The following CNTNAP2 variants were observed in gnomAD, a reference collection of about 807,000 sequenced individuals.
The protein encoded by CNTNAP2 is contactin associated protein 2, also known as contactin-associated protein-like 2.
A neutral mutation model predicts 155.2 loss-of-function variants in CNTNAP2; 98 were observed. The observed-to-expected ratio is 0.63, with a 90% CI of 0.54 to 0.75. The LOEUF (loss-of-function observed/expected upper bound fraction) is 0.75, where lower values mean the gene tolerates loss of function less well. CNTNAP2 is among the 30% of genes least tolerant of loss of function. The pLI, the probability that CNTNAP2 is intolerant of heterozygous loss-of-function variation, is 0.00. For missense variants in CNTNAP2, 1,727 were observed against 1,688.1 expected, an observed-to-expected ratio of 1.02 and a Z score of -0.40; for synonymous variants, 651 against 631.2, an observed-to-expected ratio of 1.03 and a Z score of -0.47.
At chr7:146,281,028 C>T (rs894883774) in intron 1 of CNTNAP2, among the ~76,000 whole-genome samples, 1 of 152,130 alleles carries the variant, frequency 6.6e-6, no homozygotes, top group Non-Finnish European at 1.5e-5. Context: ...ATCTTGCTCC[C>T]TCTGTGAGGA....
At chr7:148,112,762 G>A (rs1346027739) in intron 15 of CNTNAP2, among the ~76,000 whole-genome samples, 1 of 152,020 alleles carries the variant, frequency 6.6e-6, no homozygotes, top group Non-Finnish European at 1.5e-5. Flanking sequence ...AGGGGCTGGG[G>A]AAGCAGGCTT....
chr7:146,476,106 C>T (rs900199464), intron 1 of CNTNAP2, among the ~76,000 whole-genome samples: 4 of 152,280 alleles, frequency 2.6e-5, no homozygotes, highest in South Asian at 2.1e-4. Context: ...ATCTACTCCT[C>T]AGGATAAACC....
At chr7:146,454,934 G>A (rs1796533935) in intron 1 of CNTNAP2, among the ~76,000 whole-genome samples, 1 of 152,134 alleles carries the variant, frequency 6.6e-6, no homozygotes, top group Non-Finnish European at 1.5e-5. Flanking sequence ...AAACCAGCCT[G>A]TATATAACAA....
intron 12 of CNTNAP2, among the ~76,000 whole-genome samples, chr7:147,580,194 C>A (rs1372311529): frequency 1.3e-5 from 2 of 152,140 alleles, no homozygotes; most frequent in African/African-American, 4.8e-5. Flanking sequence ...ATTTAATGAA[C>A]AATTACTATG....
chr7:147,212,805 A>G (rs1345027734), intron 8 of CNTNAP2, among the ~76,000 whole-genome samples: 1 of 152,212 alleles, frequency 6.6e-6, no homozygotes, highest in African/African-American at 2.4e-5. Context: ...ATTTAAATGG[A>G]TTGTGTGTAG....
At chr7:147,890,671 A>T (rs1278926820) in intron 13 of CNTNAP2, among the ~76,000 whole-genome samples, 1 of 152,184 alleles carries the variant, frequency 6.6e-6, no homozygotes, top group Non-Finnish European at 1.5e-5. Context: ...AGAACATAGA[A>T]TACATTATGT....
chr7:146,596,560 C>A (rs1203111688), intron 1 of CNTNAP2, among the ~76,000 whole-genome samples: 2 of 149,956 alleles, frequency 1.3e-5, no homozygotes, highest in African/African-American at 2.5e-5. Flanking sequence ...CATTCACCCC[C>A]CCAGCCTCCA....
rs532629113 is a variant in CNTNAP2 at position 147,810,322 on chromosome 7, G to A, written c.2099-93243G>A. 2.0e-5 allele frequency among the ~76,000 whole-genome samples: 3 copies of A among 151,872 alleles called. No homozygotes were observed. In the East Asian group the frequency reaches 5.8e-4, roughly 29 times the overall value. ...CTCAGAGCTCTGGATAGGCAAAGTAGACTTGGATTTACATTCTCTGTGATC... is the reference window on the plus strand; with the variant it reads ...CTCAGAGCTCTGGATAGGCAAAGTAAACTTGGATTTACATTCTCTGTGATC... On this transcript the variant is annotated intron_variant, in intron 13 of 23. Transcript: ENST00000361727.
intron 1 of CNTNAP2, among the ~76,000 whole-genome samples, chr7:146,750,046 T>C (rs943357676): frequency 6.6e-6 from 1 of 152,146 alleles, no homozygotes; most frequent in Non-Finnish European, 1.5e-5. Flanking sequence ...AATGTACAAG[T>C]GGTTATCCTC....
chr7:147,153,802 G>T (rs751863993), intron 8 of CNTNAP2, among the ~76,000 whole-genome samples: 4 of 152,118 alleles, frequency 2.6e-5, no homozygotes, highest in Non-Finnish European at 5.9e-5. Context: ...ATTGTAAAAG[G>T]TCATTCTGAC....
chr7:146,839,724 G>T lies in CNTNAP2; in HGVS notation c.222G>T (p.Trp74Cys), dbSNP rs2129200467. ...GCCCATCTTCAGGTGCTGGGGGATG[G>T]TCTCCATCAGACAGCGACCATTATC... Reference protein sequence around the residue: ...KINKRGGAGGWSPSDSDHYQW... With the variant: ...KINKRGGAGGCSPSDSDHYQW... Residue 74 changes from tryptophan to cysteine, a missense_variant, in exon 3 of 24, where the codon TGG becomes TGT. By Grantham distance (215) the Trp-to-Cys change is radical. Coordinates refer to ENST00000361727, the MANE Select transcript of CNTNAP2 (RefSeq NM_014141.6). The T allele has an allele frequency of 1.9e-6, 3 of 1,614,178 alleles. No homozygotes were observed. The highest frequency in any genetic ancestry group is 1.7e-6 in the Non-Finnish European group (2 of 1,180,036).
chr7:146,573,960 G>A (rs1185308697), intron 1 of CNTNAP2, among the ~76,000 whole-genome samples: 2 of 152,128 alleles, frequency 1.3e-5, no homozygotes, highest in African/African-American at 4.8e-5. Flanking sequence ...AATAACATTA[G>A]ATGTTATTAT....
At chr7:146,582,733 G>A (rs1017072365) in intron 1 of CNTNAP2, among the ~76,000 whole-genome samples, 5 of 152,004 alleles carry the variant, frequency 3.3e-5, no homozygotes, top group Non-Finnish European at 7.4e-5. Context: ...TATTTTCATA[G>A]ATTTCACCTA....
At chr7:147,852,852 ATAT>A (rs1346309031) in intron 13 of CNTNAP2, among the ~76,000 whole-genome samples, 5 of 152,072 alleles carry the variant, frequency 3.3e-5, no homozygotes, top group Non-Finnish European at 7.4e-5. Flanking sequence ...GACATTTAAG[ATAT>A]TATTTTGTAA....
At chr7:146,445,632 C>T (rs566522576) in intron 1 of CNTNAP2, among the ~76,000 whole-genome samples, 9 of 152,140 alleles carry the variant, frequency 5.9e-5, no homozygotes, top group African/African-American at 2.2e-4. Context: ...TTTCTTTTTG[C>T]TGTTTATGTG....
At chr7:147,837,650 A>G (rs898904795) in intron 13 of CNTNAP2, among the ~76,000 whole-genome samples, 1 of 152,190 alleles carries the variant, frequency 6.6e-6, no homozygotes, top group African/African-American at 2.4e-5. Context: ...AGTTAGTTAC[A>G]CCCTAGATAC....
At chr7:146,655,219 C>T (rs1256776450) in intron 1 of CNTNAP2, among the ~76,000 whole-genome samples, 2 of 151,730 alleles carry the variant, frequency 1.3e-5, no homozygotes. Context: ...TCAAGACCAG[C>T]CCAACCAACA....
Position 147,203,835 on chromosome 7 carries a change from C to G in CNTNAP2, c.1348+71326C>G, listed in dbSNP as rs962106857. ...GTATCAAGAGTTTCCCTGATAAGCT[C>G]TACTACTAATTGTACCAGCTAGAAT... On this transcript the variant is annotated intron_variant, in intron 8 of 23. Coordinates refer to ENST00000361727, the MANE Select transcript of CNTNAP2 (RefSeq NM_014141.6). Among the ~76,000 whole-genome samples the G allele has an allele frequency of 3.3e-5, 5 of 152,036 alleles. 1 individual carries two copies. In the Middle Eastern group the frequency reaches 0.017, roughly 517 times the overall value.
chr7:148,173,739 CA>C (rs1794875679), intron 18 of CNTNAP2, among the ~76,000 whole-genome samples: 1 of 152,214 alleles, frequency 6.6e-6, no homozygotes, highest in Non-Finnish European at 1.5e-5. Context: ...GCCTGCAGAA[CA>C]CATTAATTTT....
Sources: gnomAD v4.1 joint callset for allele counts (sites outside exome capture counted in the v4.1 genomes callset) on GRCh38, gnomAD v4.1.1 for gene constraint, MANE v1.5 for transcripts, NCBI Gene and HGNC (gene_info 2026-07-23, HGNC 2026-07-21) for gene names.